The following KCNJ3 variants were observed in gnomAD, a reference collection of about 807,000 sequenced individuals.
KCNJ3 encodes G protein-activated inward rectifier potassium channel 1.
Under a neutral mutation model 39.2 loss-of-function variants are expected in KCNJ3, and 4 were observed. The observed-to-expected ratio is 0.10, with a 90% CI of 0.05 to 0.23. The LOEUF is 0.23. Ranked by LOEUF, KCNJ3 falls within the 10% of genes least tolerant of loss-of-function variation. The probability of loss-of-function intolerance (pLI) is 1.00; values close to 1 mark genes in which losing one functional copy is unlikely to be tolerated. For missense variants in KCNJ3, 276 were observed against 634.9 expected (o/e 0.43, Z 6.08); for synonymous variants, 230 against 237.4 (o/e 0.97, Z 0.29).
intron 2 of KCNJ3, among the ~76,000 whole-genome samples, chr2:154,784,803 G>A (rs1686499298): frequency 6.6e-6 from 1 of 152,150 alleles, no homozygotes; most frequent in South Asian, 2.1e-4. Flanking sequence ...TGCAAATTTA[G>A]TTAATTAACT....
intron 2 of KCNJ3, among the ~76,000 whole-genome samples, chr2:154,769,094 A>AATGGG (rs1206840425): frequency 3.9e-5 from 6 of 152,262 alleles, no homozygotes; most frequent in African/African-American, 1.4e-4. Context: ...GGGCTGAGAC[A>AATGGG]ATGGGTTTTT....
At chr2:154,813,258 A>G (rs1421589207) in intron 2 of KCNJ3, among the ~76,000 whole-genome samples, 1 of 152,090 alleles carries the variant, frequency 6.6e-6, no homozygotes, top group Admixed American at 6.6e-5. Flanking sequence ...TCTTTTCTAC[A>G]TGCAAATTAT....
intron 2 of KCNJ3, among the ~76,000 whole-genome samples, chr2:154,717,137 C>T (rs768627457): frequency 3.3e-5 from 5 of 152,124 alleles, no homozygotes; most frequent in Non-Finnish European, 7.4e-5. Context: ...AGCAGAAGCT[C>T]AGCAGGAGAG....
chr2:154,801,007 T>G (rs993957525), intron 2 of KCNJ3, among the ~76,000 whole-genome samples: 2 of 152,136 alleles, frequency 1.3e-5, no homozygotes, highest in African/African-American at 4.8e-5. Context: ...CTATTAGTTG[T>G]TTTAGCATCT....
At chr2:154,735,425 T>A (rs1685514571) in intron 2 of KCNJ3, among the ~76,000 whole-genome samples, 1 of 152,180 alleles carries the variant, frequency 6.6e-6, no homozygotes, top group African/African-American at 2.4e-5. Flanking sequence ...TAGGCCTGTT[T>A]CTTATTCTAT....
chr2:154,806,505 C>A (rs1235201310), intron 2 of KCNJ3, among the ~76,000 whole-genome samples: 1 of 152,178 alleles, frequency 6.6e-6, no homozygotes, highest in East Asian at 1.9e-4. Flanking sequence ...GTAGACTTGA[C>A]CTATTTAGTT....
At position 154,739,551 on chromosome 2, in the gene KCNJ3, T is replaced by G. The variant is rs1488695787; in HGVS notation, c.919+29732T>G. ...CCATCCTTCTTCACCTTCGTTTTCA[T>G]GTAGCTATAATTTCCTACTCCCCAG... On this transcript the variant is annotated intron_variant, in intron 2 of 2. Transcript: ENST00000295101. Among the ~76,000 whole-genome samples the G allele has an allele frequency of 2.0e-5, 3 of 152,094 alleles. No individual in the cohort carries two copies. In the East Asian group the frequency reaches 5.8e-4, roughly 29 times the overall value.
intron 2 of KCNJ3, among the ~76,000 whole-genome samples, chr2:154,846,776 A>C (rs1379645544): frequency 6.9e-6 from 1 of 144,336 alleles, no homozygotes; most frequent in African/African-American, 2.5e-5. Context: ...ATTGTTAAAA[A>C]TCTATTATTT....
intron 2 of KCNJ3, among the ~76,000 whole-genome samples, chr2:154,773,403 G>A (rs1450482759): frequency 6.6e-6 from 1 of 152,092 alleles, no homozygotes; most frequent in African/African-American, 2.4e-5. Flanking sequence ...GCTTAAGTGT[G>A]ATTCTGAAAA....
At chr2:154,837,345 C>T (rs1687487289) in intron 2 of KCNJ3, among the ~76,000 whole-genome samples, 1 of 151,976 alleles carries the variant, frequency 6.6e-6, no homozygotes, top group Non-Finnish European at 1.5e-5. Context: ...ATATAAGAAG[C>T]TCTTTGTATG....
At chr2:154,711,239 C>T (rs777126346) in intron 2 of KCNJ3, among the ~76,000 whole-genome samples, 1 of 151,920 alleles carries the variant, frequency 6.6e-6, no homozygotes, top group Non-Finnish European at 1.5e-5. Flanking sequence ...TATAAAGGCT[C>T]GTAGTCCAAG....
chr2:154,717,157 C>A (rs1394060418), intron 2 of KCNJ3, among the ~76,000 whole-genome samples: 1 of 152,132 alleles, frequency 6.6e-6, no homozygotes, highest in South Asian at 2.1e-4. Context: ...GTAGAGGGAG[C>A]TAAGCCTTCT....
chr2:154,784,369 G>A (rs971966346), intron 2 of KCNJ3, among the ~76,000 whole-genome samples: 1 of 152,056 alleles, frequency 6.6e-6, no homozygotes, highest in African/African-American at 2.4e-5. Flanking sequence ...TAGAATGAAG[G>A]ACAGCCTATT....
In KCNJ3 at chr2:154,855,433, T is replaced by C; in HGVS notation, c.*120T>C. 2 of 705,430 alleles carry C rather than the reference T, an allele frequency of 2.8e-6. No individual in the cohort carries two copies. The highest frequency in any genetic ancestry group is 4.7e-6 in the Non-Finnish European group (2 of 429,302). The allele number at this position is 705,430 out of a possible 1,614,324, so 43.7% of individuals were successfully genotyped here. ...TTTTCCTCCCAGTTCTACAAGCATA[T>C]TTGAGAACCCTTCCTTTCCCAAGTA... On this transcript the variant is annotated 3_prime_UTR_variant, in exon 3 of 3. Coordinates refer to ENST00000295101, the MANE Select transcript of KCNJ3 (RefSeq NM_002239.4).
intron 2 of KCNJ3, among the ~76,000 whole-genome samples, chr2:154,733,425 C>T (rs1409438817): frequency 6.6e-6 from 1 of 151,966 alleles, no homozygotes; most frequent in Non-Finnish European, 1.5e-5. Flanking sequence ...AATGAGTTTT[C>T]CTAGGAAAAT....
At chr2:154,712,842 G>A (rs1025458975) in intron 2 of KCNJ3, among the ~76,000 whole-genome samples, 18 of 152,172 alleles carry the variant, frequency 1.2e-4, no homozygotes, top group Admixed American at 5.9e-4. Context: ...GGTTCCTGTA[G>A]GCTGTTTTAG....
At chr2:154,808,204 C>T (rs997960628) in intron 2 of KCNJ3, among the ~76,000 whole-genome samples, 2 of 151,828 alleles carry the variant, frequency 1.3e-5, no homozygotes, top group African/African-American at 4.8e-5. Flanking sequence ...GCCTCAGCCT[C>T]CTAAGTAGCT....
At chr2:154,838,508 A>G (rs994393530) in intron 2 of KCNJ3, among the ~76,000 whole-genome samples, 4 of 152,166 alleles carry the variant, frequency 2.6e-5, no homozygotes, top group African/African-American at 7.2e-5. Context: ...GAATTATATG[A>G]TAATACACAT....
intron 2 of KCNJ3, among the ~76,000 whole-genome samples, chr2:154,846,838 T>C (rs1042231223): frequency 6.6e-6 from 1 of 152,184 alleles, no homozygotes; most frequent in Non-Finnish European, 1.5e-5. Context: ...TTGAAATATT[T>C]GTTTCTAAAA....
Sources: gnomAD v4.1 joint callset for allele counts (sites outside exome capture counted in the v4.1 genomes callset) on GRCh38, gnomAD v4.1.1 for gene constraint, MANE v1.5 for transcripts, NCBI Gene and HGNC (gene_info 2026-07-23, HGNC 2026-07-21) for gene names.